IGF1R: variants seen among roughly 807,000 people sequenced by gnomAD.
The protein encoded by IGF1R is insulin like growth factor 1 receptor, also known as insulin-like growth factor 1 receptor.
A neutral mutation model predicts 144.6 loss-of-function variants in IGF1R; 44 were observed. The observed-to-expected ratio is 0.30, with a 90% CI of 0.24 to 0.39. The LOEUF (loss-of-function observed/expected upper bound fraction) is 0.39. Ranked by LOEUF, IGF1R falls within the 10% of genes least tolerant of loss-of-function variation. IGF1R has a pLI of 1.00. For synonymous variants in IGF1R, 795 were observed against 722.8 expected (o/e 1.10, Z -1.60); for missense variants, 1,355 against 1,833.7 (o/e 0.74, Z 4.77).
At chr15:98,759,072 C>T (rs1479133133) in intron 2 of IGF1R, among the ~76,000 whole-genome samples, 1 of 152,210 alleles carries the variant, frequency 6.6e-6, no homozygotes, top group Non-Finnish European at 1.5e-5. Flanking sequence ...TCCTCATCCT[C>T]TGTCTCCATC....
At chr15:98,702,758 T>C (rs2053767306) in intron 1 of IGF1R, among the ~76,000 whole-genome samples, 1 of 151,870 alleles carries the variant, frequency 6.6e-6, no homozygotes, top group South Asian at 2.1e-4. Context: ...AGGGAAACCC[T>C]CTCTCTGCCA....
intron 19 of IGF1R, among the ~76,000 whole-genome samples, chr15:98,947,693 C>G (rs2016605822): frequency 6.6e-6 from 1 of 152,218 alleles, no homozygotes; most frequent in South Asian, 2.1e-4. Context: ...ATCTTCTAAA[C>G]TGGCAAAGCT....
chr15:98,692,591 A>G (rs191118963), intron 1 of IGF1R, among the ~76,000 whole-genome samples: 2 of 152,330 alleles, frequency 1.3e-5, no homozygotes, highest in Admixed American at 1.3e-4. Context: ...ATGTAAGATG[A>G]TGGTGAGTTT....
Position 98,858,632 on chromosome 15 carries a change from G to A in IGF1R, c.641-32693G>A, listed in dbSNP as rs151211816. Among the ~76,000 whole-genome samples the A allele has an allele frequency of 4.2e-3, 634 of 152,266 alleles. 2 individuals carry two copies. Among genetic ancestry groups the A allele is most frequent in the African/African-American group, 0.014 (597 of 41,524 alleles). On this transcript the variant is annotated intron_variant, in intron 2 of 20. Coordinates refer to ENST00000650285, the MANE Select transcript of IGF1R (RefSeq NM_000875.5). ...AAAGGCTTAGAGAACTCTGGGCTTC[G>A]GAGGCACAGACTCCACCTTTCAGGA...
rs551361159 is a variant in IGF1R at position 98,749,110 on chromosome 15, GTTTAAAAAATTTCATT to G, written c.640+41005_640+41020del. 6.0e-5 allele frequency among the ~76,000 whole-genome samples: 9 copies of G among 150,000 alleles called. No individual in the cohort carries two copies. In the South Asian group the frequency reaches 1.9e-3, roughly 32 times the overall value. ...GACACTATTGCCTATTTCTTTCCTT[GTTTAAAAAATTTCATT>G]TAGGTAGGCTTAGCATAGTTGCAGT... On this transcript the variant is annotated intron_variant, in intron 2 of 20. Transcript: ENST00000650285.
chr15:98,667,315 G>T (rs780336104), intron 1 of IGF1R, among the ~76,000 whole-genome samples: 6 of 152,166 alleles, frequency 3.9e-5, no homozygotes, highest in Non-Finnish European at 8.8e-5. Flanking sequence ...GATTATACTG[G>T]AAGTTTTTCA....
At chr15:98,953,854 G>A (rs1241509695) in intron 20 of IGF1R, among the ~76,000 whole-genome samples, 2 of 152,110 alleles carry the variant, frequency 1.3e-5, no homozygotes, top group Non-Finnish European at 2.9e-5. Context: ...TGCGGGAATC[G>A]AGTGCTTGAG....
chr15:98,690,480 C>T (rs1223580680), intron 1 of IGF1R, among the ~76,000 whole-genome samples: 1 of 152,214 alleles, frequency 6.6e-6, no homozygotes, highest in Non-Finnish European at 1.5e-5. Context: ...CAGATACTTG[C>T]TATGCAAGCA....
chr15:98,870,410 A>T lies in IGF1R; in HGVS notation c.641-20915A>T, dbSNP rs182161985. Among the ~76,000 whole-genome samples, 4 of 152,224 alleles carry T rather than the reference A, an allele frequency of 2.6e-5. No individual in the cohort carries two copies. In the East Asian group the frequency reaches 5.8e-4, roughly 22 times the overall value. ...TACTCAGAGAGGGCGGTCAGGAGAG[A>T]CCTCTTGGGAATGATGACATCCAGC... On this transcript the variant is annotated intron_variant, in intron 2 of 20. Transcript: ENST00000650285.
intron 2 of IGF1R, among the ~76,000 whole-genome samples, chr15:98,852,951 C>T (rs2011602558): frequency 6.6e-6 from 1 of 152,202 alleles, no homozygotes; most frequent in South Asian, 2.1e-4. Flanking sequence ...CCATGTGGGA[C>T]AGGTCATGCT....
In IGF1R at chr15:98,813,590, TG is replaced by T. The variant is rs369735988; in HGVS notation, c.641-77731del. On this transcript the variant is annotated intron_variant, in intron 2 of 20. Coordinates refer to ENST00000650285, the MANE Select transcript of IGF1R (RefSeq NM_000875.5). ...CTTGGCATGGTGCACTACCTCTTCT[TG>T]GGGACTGTGAGTAACAGACTTTTTC... Among the ~76,000 whole-genome samples the T allele has an allele frequency of 2.9e-3, 448 of 152,380 alleles. 4 individuals carry two copies. Among genetic ancestry groups the T allele is most frequent in the African/African-American group, 0.01 (434 of 41,594 alleles).
intron 1 of IGF1R, among the ~76,000 whole-genome samples, chr15:98,660,940 G>T (rs145303504): frequency 0.01 from 1,551 of 152,290 alleles, 15 homozygotes; most frequent in Admixed American, 0.019. Flanking sequence ...CTCCGGAGTG[G>T]CCTGGTGCAG....
At chr15:98,953,557 A>G (rs1015991720) in intron 20 of IGF1R, among the ~76,000 whole-genome samples, 1 of 152,154 alleles carries the variant, frequency 6.6e-6, no homozygotes, top group Non-Finnish European at 1.5e-5. Flanking sequence ...GTAGTGACGT[A>G]AAAGGTCCCG....
intron 1 of IGF1R, chr15:98,650,775 C>A (rs1490139360): frequency 2.1e-6 from 1 of 472,668 alleles, no homozygotes; most frequent in African/African-American, 2.1e-5. Flanking sequence ...GTCGTGTCGC[C>A]CTCTCTTCTG....
chr15:98,755,966 G>C (rs370255697), intron 2 of IGF1R, among the ~76,000 whole-genome samples: 90 of 152,154 alleles, frequency 5.9e-4, no homozygotes, highest in African/African-American at 2.0e-3. Flanking sequence ...AATAAATTAC[G>C]TTGATTAGAT....
chr15:98,873,452 T>C (rs968786263), intron 2 of IGF1R, among the ~76,000 whole-genome samples: 1 of 152,238 alleles, frequency 6.6e-6, no homozygotes, highest in African/African-American at 2.4e-5. Context: ...AGTTGTATAC[T>C]AATTTGTAGA....
At chr15:98,748,400 C>G (rs2054921998) in intron 2 of IGF1R, among the ~76,000 whole-genome samples, 1 of 152,196 alleles carries the variant, frequency 6.6e-6, no homozygotes, top group African/African-American at 2.4e-5. Flanking sequence ...GTCTCAAACT[C>G]CTGGCCTCAA....
chr15:98,805,153 G>T (rs1014313705), intron 2 of IGF1R, among the ~76,000 whole-genome samples: 1 of 152,188 alleles, frequency 6.6e-6, no homozygotes, highest in Non-Finnish European at 1.5e-5. Context: ...TCAATCTTGA[G>T]GTGTTATCGG....
intron 2 of IGF1R, among the ~76,000 whole-genome samples, chr15:98,801,000 G>A (rs1167550778): frequency 1.3e-5 from 2 of 152,226 alleles, no homozygotes; most frequent in Admixed American, 6.5e-5. Context: ...CGAAGCATGT[G>A]TGTGCATTCT....
Sources: allele counts gnomAD v4.1 joint callset (sites outside exome capture counted in the v4.1 genomes callset), GRCh38; gene constraint gnomAD v4.1.1; transcripts MANE v1.5; gene names NCBI Gene and HGNC (gene_info 2026-07-23, HGNC 2026-07-21).